The following VPS13B variants were observed in gnomAD, a reference collection of about 807,000 sequenced individuals.
The protein encoded by VPS13B is intermembrane lipid transfer protein VPS13B.
In VPS13B, 285 loss-of-function variants were observed where a neutral mutation model predicts 426.4. The ratio of observed to expected loss-of-function variants is 0.67; its 90% CI spans 0.61 to 0.74. The LOEUF (loss-of-function observed/expected upper bound fraction) is 0.74. Ranked by LOEUF, VPS13B falls within the 30% of genes least tolerant of loss-of-function variation. The pLI is 0.00. For synonymous variants in VPS13B, 1,676 were observed against 1,676.4 expected, an observed-to-expected ratio of 1.00 and a Z score of 0.01; for missense variants, 4,537 against 4,782.6, an observed-to-expected ratio of 0.95 and a Z score of 1.51.
intron 8 of VPS13B, among the ~76,000 whole-genome samples, chr8:99,126,167 A>G (rs6468669): frequency 0.82 from 124,461 of 152,128 alleles, 51,385 homozygotes; most frequent in South Asian, 0.89. Context: ...TTGCACCCAC[A>G]TAAGTGGTTT....
At chr8:99,593,608 A>G (rs1372300522) in intron 33 of VPS13B, among the ~76,000 whole-genome samples, 4 of 152,126 alleles carry the variant, frequency 2.6e-5, no homozygotes, top group African/African-American at 7.2e-5. Context: ...ACATGCACGT[A>G]TATGTTCATT....
At chr8:99,016,336 A>G (rs1841611297) in intron 2 of VPS13B, among the ~76,000 whole-genome samples, 1 of 152,178 alleles carries the variant, frequency 6.6e-6, no homozygotes, top group Non-Finnish European at 1.5e-5. Context: ...AGTCTTACCA[A>G]CAACTTATAA....
chr8:99,345,860 G>C (rs928600577), intron 19 of VPS13B, among the ~76,000 whole-genome samples: 5 of 152,190 alleles, frequency 3.3e-5, no homozygotes, highest in African/African-American at 1.2e-4. Flanking sequence ...CCAACCATGA[G>C]TTATTCTTCA....
intron 39 of VPS13B, among the ~76,000 whole-genome samples, chr8:99,739,854 A>G (rs1809601343): frequency 6.6e-6 from 1 of 152,210 alleles, no homozygotes; most frequent in South Asian, 2.1e-4. Context: ...AAGGTAGATA[A>G]AACCACAAAG....
intron 28 of VPS13B, among the ~76,000 whole-genome samples, chr8:99,510,895 C>T (rs773275907): frequency 2.4e-4 from 36 of 152,158 alleles, no homozygotes; most frequent in Non-Finnish European, 2.1e-4. Context: ...AGAACTGGAA[C>T]TCAGGATTCC....
intron 5 of VPS13B, among the ~76,000 whole-genome samples, chr8:99,106,540 C>T (rs1318812349): frequency 6.6e-6 from 1 of 151,806 alleles, no homozygotes; most frequent in Non-Finnish European, 1.5e-5. Context: ...CCACCAAGCT[C>T]AAGAAATTGA....
chr8:99,218,688 G>A (rs1815518406), intron 17 of VPS13B, among the ~76,000 whole-genome samples: 1 of 152,190 alleles, frequency 6.6e-6, no homozygotes, highest in Non-Finnish European at 1.5e-5. Context: ...TAATTGTTAT[G>A]GCCACAGTGG....
At chr8:99,334,071 TG>T (rs1810689094) in intron 19 of VPS13B, among the ~76,000 whole-genome samples, 1 of 151,950 alleles carries the variant, frequency 6.6e-6, no homozygotes, top group African/African-American at 2.4e-5. Flanking sequence ...TCATTTCTAT[TG>T]CATACATATT....
chr8:99,628,655 G>T (rs951203077), intron 33 of VPS13B, among the ~76,000 whole-genome samples: 1 of 152,116 alleles, frequency 6.6e-6, no homozygotes, highest in African/African-American at 2.4e-5. Flanking sequence ...TTGAGTCATG[G>T]TTAAGAGCTA....
At chr8:99,692,069 C>G (rs1434046506) in intron 35 of VPS13B, among the ~76,000 whole-genome samples, 15 of 146,368 alleles carry the variant, frequency 1.0e-4, no homozygotes, top group Non-Finnish European at 3.0e-5. Context: ...TACAAAGAGA[C>G]TTAGACTCCC....
chr8:99,421,055 T>C (rs1816341604), intron 21 of VPS13B, among the ~76,000 whole-genome samples: 1 of 152,206 alleles, frequency 6.6e-6, no homozygotes, highest in Non-Finnish European at 1.5e-5. Flanking sequence ...TATTTTTAAC[T>C]TTAAGGTGGA....
chr8:99,337,910 T>G (rs3103727), intron 19 of VPS13B, among the ~76,000 whole-genome samples: 125,193 of 151,496 alleles, frequency 0.83, 52,185 homozygotes, highest in South Asian at 0.89. Flanking sequence ...CAAGTTTTTG[T>G]TTTTTTTTTC....
intron 2 of VPS13B, among the ~76,000 whole-genome samples, chr8:99,032,341 A>C (rs932366883): frequency 1.8e-4 from 28 of 151,636 alleles, no homozygotes; most frequent in Non-Finnish European, 3.5e-4. Flanking sequence ...TAATCTGTTC[A>C]CTTCTAATTT....
intron 17 of VPS13B, among the ~76,000 whole-genome samples, chr8:99,199,676 C>T (rs958084707): frequency 6.6e-6 from 1 of 152,088 alleles, no homozygotes; most frequent in African/African-American, 2.4e-5. Context: ...AGTTTCCTCT[C>T]TTCTTTGAGC....
intron 3 of VPS13B, among the ~76,000 whole-genome samples, chr8:99,084,174 G>C (rs554350585): frequency 6.6e-6 from 1 of 152,174 alleles, no homozygotes; most frequent in Non-Finnish European, 1.5e-5. Flanking sequence ...CTTCTTCCTG[G>C]GTTAGTCTTG....
chr8:99,035,112 G>A (rs1024328521), intron 2 of VPS13B, among the ~76,000 whole-genome samples: 6 of 152,174 alleles, frequency 3.9e-5, no homozygotes, highest in African/African-American at 1.4e-4. Context: ...GAGAGCCCAG[G>A]AGTTTGAGGT....
At chr8:99,633,117 C>T (rs1828915279) in intron 33 of VPS13B, among the ~76,000 whole-genome samples, 1 of 151,958 alleles carries the variant, frequency 6.6e-6, no homozygotes, top group Admixed American at 6.6e-5. Context: ...AAAAGCATGT[C>T]TTTTTCTTGC....
At chr8:99,562,297 T>C (rs1188426245) in intron 31 of VPS13B, among the ~76,000 whole-genome samples, 1 of 151,838 alleles carries the variant, frequency 6.6e-6, no homozygotes, top group Admixed American at 6.6e-5. Context: ...CCACGCTTTT[T>C]TGAGACAGAG....
intron 19 of VPS13B, among the ~76,000 whole-genome samples, chr8:99,358,002 TCACACA>T (rs34418547): frequency 0.022 from 3,175 of 144,406 alleles, 120 homozygotes; most frequent in African/African-American, 0.076. Context: ...GGATTAAATA[TCACACA>T]CACACACACA....
Sources: gnomAD v4.1 joint callset for allele counts (sites outside exome capture counted in the v4.1 genomes callset) on GRCh38, gnomAD v4.1.1 for gene constraint, MANE v1.5 for transcripts, NCBI Gene and HGNC (gene_info 2026-07-23, HGNC 2026-07-21) for gene names.